DSCAM: variants seen among roughly 807,000 people sequenced by gnomAD.
DSCAM encodes the protein DS cell adhesion molecule, also known as cell adhesion molecule DSCAM.
In DSCAM, 47 loss-of-function variants were observed where a neutral mutation model predicts 217.7. The ratio of observed to expected loss-of-function variants is 0.22; its 90% CI spans 0.17 to 0.28. The LOEUF is 0.28. Ranked by LOEUF, DSCAM falls within the 10% of genes least tolerant of loss-of-function variation. The pLI is 1.00. For synonymous variants in DSCAM, 1,056 were observed against 1,015.3 expected, an observed-to-expected ratio of 1.04 and a Z score of -0.76; for missense variants, 2,080 against 2,618.3, an observed-to-expected ratio of 0.79 and a Z score of 4.49.
chr21:40,294,806 A>T (rs945492341), intron 10 of DSCAM, among the ~76,000 whole-genome samples: 4 of 152,246 alleles, frequency 2.6e-5, no homozygotes, highest in African/African-American at 4.8e-5. Flanking sequence ...CAGGAAATAA[A>T]AAGTCATGGG....
chr21:40,307,547 T>C (rs4411799), intron 9 of DSCAM, among the ~76,000 whole-genome samples: 31,091 of 151,964 alleles, frequency 0.2, 5,742 homozygotes, highest in African/African-American at 0.49. Context: ...GATCTAGAAC[T>C]AGAAATACCA....
chr21:40,229,734 A>T (rs551430195), intron 11 of DSCAM, among the ~76,000 whole-genome samples: 55 of 152,330 alleles, frequency 3.6e-4, no homozygotes, highest in Admixed American at 1.8e-3. Context: ...AAAAGTTTGT[A>T]TTTATTCATC....
intron 3 of DSCAM, among the ~76,000 whole-genome samples, chr21:40,539,308 T>C (rs1470364290): frequency 6.6e-6 from 1 of 151,114 alleles, no homozygotes; most frequent in Non-Finnish European, 1.5e-5. Flanking sequence ...ATTGAGACCA[T>C]GGTGCAACGC....
rs183675902 is a variant in DSCAM, at chr21:40,797,287, G to C, written c.43+49332C>G. On this transcript the variant is annotated intron_variant, in intron 1 of 32. Coordinates refer to ENST00000400454, the MANE Select transcript of DSCAM (RefSeq NM_001389.5). ...AAACACAAGTTCTCATCATAATTAA[G>C]GGAGGAATATAACACTTATGGATGC... 5.3e-5 allele frequency among the ~76,000 whole-genome samples: 8 copies of C among 152,266 alleles called. No individual in the cohort carries two copies. In the East Asian group the frequency reaches 1.5e-3, roughly 29 times the overall value.
At chr21:40,437,330 A>G (rs2075592036) in intron 3 of DSCAM, among the ~76,000 whole-genome samples, 2 of 152,196 alleles carry the variant, frequency 1.3e-5, no homozygotes, top group Non-Finnish European at 2.9e-5. Context: ...TCGGGGCTCC[A>G]CCAAGGTGTC....
intron 3 of DSCAM, among the ~76,000 whole-genome samples, chr21:40,406,890 A>G (rs1471306799): frequency 1.3e-5 from 2 of 152,094 alleles, no homozygotes; most frequent in African/African-American, 4.8e-5. Flanking sequence ...GAATTCTGGG[A>G]TTACATATGT....
At chr21:40,266,452 A>G (rs943609109) in intron 11 of DSCAM, among the ~76,000 whole-genome samples, 6 of 151,834 alleles carry the variant, frequency 4.0e-5, no homozygotes, top group African/African-American at 1.5e-4. Flanking sequence ...AGGTTTCTCA[A>G]ATAACTAAAA....
intron 32 of DSCAM, among the ~76,000 whole-genome samples, chr21:40,031,909 C>T (rs749199839): frequency 6.6e-6 from 1 of 152,180 alleles, no homozygotes; most frequent in Non-Finnish European, 1.5e-5. Context: ...GACTTACTAG[C>T]GTCTGAGGGG....
chr21:40,335,393 G>A (rs1011021132), intron 8 of DSCAM, among the ~76,000 whole-genome samples: 2 of 152,070 alleles, frequency 1.3e-5, no homozygotes, highest in Non-Finnish European at 2.9e-5. Context: ...TAAATATATT[G>A]TTTATAAGAG....
intron 3 of DSCAM, among the ~76,000 whole-genome samples, chr21:40,613,640 G>A (rs760343486): frequency 6.6e-5 from 10 of 151,994 alleles, no homozygotes; most frequent in South Asian, 4.2e-4. Context: ...CTAGCATGCC[G>A]CACTGCTGAG....
intron 19 of DSCAM, among the ~76,000 whole-genome samples, chr21:40,126,439 T>A (rs925844028): frequency 2.6e-5 from 4 of 151,978 alleles, no homozygotes; most frequent in Non-Finnish European, 4.4e-5. Context: ...TTTGTCCCAA[T>A]TTGCAAACAG....
At position 40,518,249 on chromosome 21, in the gene DSCAM, G is replaced by A. The variant is rs150360391; in HGVS notation, c.509-149004C>T. On this transcript the variant is annotated intron_variant, in intron 3 of 32. Coordinates refer to ENST00000400454, the MANE Select transcript of DSCAM (RefSeq NM_001389.5). ...AAGAGACCCTGAAGGCCTGAGATGC[G>A]TCCTGTCTTGCTGGGTGAGGCACAA... Among the ~76,000 whole-genome samples, 874 of 139,260 alleles carry A rather than the reference G, an allele frequency of 6.3e-3. 7 individuals are homozygous for A. Among genetic ancestry groups the A allele is most frequent in the African/African-American group, 0.021 (777 of 36,972 alleles). The allele number at this position is 139,260 out of a possible 152,430, so 91.4% of individuals were successfully genotyped here.
intron 8 of DSCAM, among the ~76,000 whole-genome samples, chr21:40,324,103 C>CAAAAAAAAAAAAAAAAAAAAAAAAAAA (rs71330393): frequency 5.4e-4 from 15 of 27,942 alleles, no homozygotes; most frequent in East Asian, 1.2e-3. Context: ...AACTCTGTCT[C>CAAAAAAAAAAAAAAAAAAAAAAAAAAA]AAAAAAAAAA....
At chr21:40,811,976 A>G (rs1404451930) in intron 1 of DSCAM, among the ~76,000 whole-genome samples, 3 of 152,200 alleles carry the variant, frequency 2.0e-5, no homozygotes, top group South Asian at 2.1e-4. Flanking sequence ...CAAAAAGAGA[A>G]TATTTCTTCT....
At chr21:40,820,023 G>A (rs1419405243) in intron 1 of DSCAM, among the ~76,000 whole-genome samples, 1 of 151,930 alleles carries the variant, frequency 6.6e-6, no homozygotes, top group Non-Finnish European at 1.5e-5. Context: ...ATAAATAAAG[G>A]CCCCCTGCTT....
chr21:40,114,867 C>T (rs992679811), intron 20 of DSCAM, among the ~76,000 whole-genome samples: 17 of 152,148 alleles, frequency 1.1e-4, no homozygotes, highest in African/African-American at 2.4e-4. Context: ...CAATGAGATA[C>T]CATCTCACAC....
At chr21:40,259,350 T>C (rs2073417055) in intron 11 of DSCAM, among the ~76,000 whole-genome samples, 1 of 152,072 alleles carries the variant, frequency 6.6e-6, no homozygotes. Context: ...GCCTTTTCTC[T>C]GGTTATACCA....
At chr21:40,326,276 A>G (rs755106024) in intron 8 of DSCAM, among the ~76,000 whole-genome samples, 104 of 152,330 alleles carry the variant, frequency 6.8e-4, no homozygotes, top group Admixed American at 2.5e-3. Context: ...CATGAGTCCC[A>G]AACCATGGCT....
At chr21:40,069,545 A>C (rs1368369265) in intron 27 of DSCAM, among the ~76,000 whole-genome samples, 1 of 152,254 alleles carries the variant, frequency 6.6e-6, no homozygotes, top group Non-Finnish European at 1.5e-5. Flanking sequence ...AATCTTGTTT[A>C]TAGCCACATG....
Sources: allele counts gnomAD v4.1 joint callset (sites outside exome capture counted in the v4.1 genomes callset), GRCh38; gene constraint gnomAD v4.1.1; transcripts MANE v1.5; gene names NCBI Gene and HGNC (gene_info 2026-07-23, HGNC 2026-07-21).